MVB12B: variants seen among roughly 807,000 people sequenced by gnomAD.
MVB12B encodes multivesicular body subunit 12B.
Under a neutral mutation model 41.6 loss-of-function variants are expected in MVB12B, and 16 were observed. The ratio of observed to expected loss-of-function variants is 0.38; its 90% CI spans 0.26 to 0.58. The LOEUF (loss-of-function observed/expected upper bound fraction) is 0.58, where lower values mean the gene tolerates loss of function less well. Among genes scored for constraint, MVB12B ranks in the 20% least tolerant of loss-of-function variants. MVB12B has a pLI of 0.62. For synonymous variants in MVB12B, 133 were observed against 139.7 expected, an observed-to-expected ratio of 0.95 and a Z score of 0.34; for missense variants, 274 against 380.2, an observed-to-expected ratio of 0.72 and a Z score of 2.32.
intron 6 of MVB12B, among the ~76,000 whole-genome samples, chr9:126,407,236 C>T (rs993176911): frequency 2.0e-5 from 3 of 152,116 alleles, no homozygotes; most frequent in African/African-American, 4.8e-5. Flanking sequence ...ACCCAAAAAG[C>T]GTTTTTACGG....
chr9:126,428,981 C>A (rs1832258373), intron 7 of MVB12B, among the ~76,000 whole-genome samples: 1 of 152,156 alleles, frequency 6.6e-6, no homozygotes, highest in Non-Finnish European at 1.5e-5. Context: ...TAATCACCGA[C>A]AACTGGCTCA....
At chr9:126,418,907 T>C (rs903890219) in intron 6 of MVB12B, among the ~76,000 whole-genome samples, 1 of 152,194 alleles carries the variant, frequency 6.6e-6, no homozygotes, top group African/African-American at 2.4e-5. Context: ...ATGATCACAC[T>C]TGTAAGCAAG....
At chr9:126,396,172 A>G (rs1464336972) in intron 6 of MVB12B, 2 of 987,274 alleles carry the variant, frequency 2.0e-6, no homozygotes, top group East Asian at 1.1e-4. Flanking sequence ...GGTATGAGAG[A>G]ATAGTGAGGA....
intron 2 of MVB12B, among the ~76,000 whole-genome samples, chr9:126,353,243 TGTAAA>T (rs1829799444): frequency 6.6e-6 from 1 of 152,236 alleles, no homozygotes; most frequent in South Asian, 2.1e-4. Flanking sequence ...TTCATGTCTT[TGTAAA>T]GTATTGTTTT....
intron 2 of MVB12B, among the ~76,000 whole-genome samples, chr9:126,364,475 G>C (rs1489993679): frequency 1.3e-5 from 2 of 152,224 alleles, no homozygotes; most frequent in East Asian, 3.9e-4. Flanking sequence ...CCCCACTCCA[G>C]GGCAGAGGTG....
chr9:126,358,771 A>G (rs1829950826), intron 2 of MVB12B, among the ~76,000 whole-genome samples: 2 of 152,174 alleles, frequency 1.3e-5, no homozygotes, highest in East Asian at 1.9e-4. Context: ...TCCAGTCTGT[A>G]TGCCTCTTAT....
rs1409025052 is a variant in MVB12B, at chr9:126,459,082, AG to A, written c.758-22284del. On this transcript the variant is annotated intron_variant, in intron 7 of 9. Transcript: ENST00000361171. This position sits in a 1 kb window ranked among gnomAD's most constrained non-coding sequence, Gnocchi z 4.3. ...GGTTCCTTTCATCCTGCAAGTTTTA[AG>A]GGCTCAGATCACAGCAGGTCTGGAC... 6.6e-6 allele frequency among the ~76,000 whole-genome samples: 1 copy of A among 152,238 alleles called. No individual in the cohort carries two copies. The highest frequency in any genetic ancestry group is 2.4e-5 in the African/African-American group (1 of 41,456).
intron 7 of MVB12B, among the ~76,000 whole-genome samples, chr9:126,439,755 A>T (rs1832584538): frequency 6.6e-6 from 1 of 152,246 alleles, no homozygotes; most frequent in Admixed American, 6.5e-5. Flanking sequence ...AGAGATGATT[A>T]AAAATATTTG....
At chr9:126,368,284 A>G (rs1830237887) in intron 2 of MVB12B, among the ~76,000 whole-genome samples, 1 of 152,216 alleles carries the variant, frequency 6.6e-6, no homozygotes, top group Admixed American at 6.5e-5. Flanking sequence ...TTTGAATCAC[A>G]TCTGTCTAGT....
Position 126,389,193 on chromosome 9 carries a change from G to T in MVB12B, c.409+2535G>T, listed in dbSNP as rs554699587. Reference sequence around the variant, plus strand: ...CAATGCCAGGTGCCTTGTCACACAGGAGGGTGGGCAGCAGGGGGTCTCTTC... The same window carrying T: ...CAATGCCAGGTGCCTTGTCACACAGTAGGGTGGGCAGCAGGGGGTCTCTTC... On this transcript the variant is annotated intron_variant, in intron 4 of 9. Transcript: ENST00000361171. The surrounding 1 kb of genome is among the most constrained non-coding windows in gnomAD (Gnocchi z 4.4). Among the ~76,000 whole-genome samples the T allele has an allele frequency of 2.0e-5, 3 of 152,310 alleles. No homozygotes were observed. The highest frequency in any genetic ancestry group is 2.0e-4 in the Admixed American group (3 of 15,296).
chr9:126,453,752 T>G (rs561111168), intron 7 of MVB12B, among the ~76,000 whole-genome samples: 3 of 152,360 alleles, frequency 2.0e-5, no homozygotes, highest in African/African-American at 7.2e-5. Context: ...GTGTGCATGG[T>G]CTTGCATGTG....
intron 1 of MVB12B, among the ~76,000 whole-genome samples, chr9:126,339,950 C>G (rs1235807118): frequency 6.6e-6 from 1 of 152,128 alleles, no homozygotes; most frequent in Non-Finnish European, 1.5e-5. Flanking sequence ...TCAAAGTCAC[C>G]AGCTAGTCAG....
intron 6 of MVB12B, among the ~76,000 whole-genome samples, chr9:126,407,344 G>A (rs1445228632): frequency 6.6e-6 from 1 of 152,162 alleles, no homozygotes; most frequent in Non-Finnish European, 1.5e-5. Flanking sequence ...AAAGCCCAAA[G>A]CAGGAGGGAC....
chr9:126,415,714 A>G (rs1004890926), intron 6 of MVB12B, among the ~76,000 whole-genome samples: 8 of 152,270 alleles, frequency 5.3e-5, no homozygotes, highest in Admixed American at 2.0e-4. Flanking sequence ...AATATTTGTT[A>G]AGCGCTCACT....
At chr9:126,401,585 C>T (rs913549143) in intron 6 of MVB12B, among the ~76,000 whole-genome samples, 3 of 152,218 alleles carry the variant, frequency 2.0e-5, no homozygotes, top group East Asian at 1.9e-4. Flanking sequence ...CCTCAAAAAT[C>T]GTTCCATCAC....
chr9:126,439,423 C>G (rs1554780111), intron 7 of MVB12B, among the ~76,000 whole-genome samples: 1 of 152,204 alleles, frequency 6.6e-6, no homozygotes, highest in Non-Finnish European at 1.5e-5. Flanking sequence ...CTGCCAGTAC[C>G]ACACAGATTG....
intron 6 of MVB12B, among the ~76,000 whole-genome samples, chr9:126,411,299 G>A (rs1831640915): frequency 6.6e-6 from 1 of 151,948 alleles, no homozygotes; most frequent in South Asian, 2.1e-4. Flanking sequence ...ATTTATGTTC[G>A]TGTTTCAGTT....
At position 126,503,356 on chromosome 9, in the gene MVB12B, C is replaced by A; in HGVS notation, c.*93C>A. The stretch of plus-strand genomic sequence containing the variant: ...CGCCTCCTCCTGCCGCCTCCGCCAG[C>A]CCTCCCTCCCACACTGCCCCAGCAG... On this transcript the variant is annotated 3_prime_UTR_variant, in exon 10 of 10. Coordinates refer to ENST00000361171, the MANE Select transcript of MVB12B (RefSeq NM_033446.3). 9.6e-7 allele frequency: 1 copy of A among 1,041,384 alleles called. No homozygotes were observed. Among genetic ancestry groups the A allele is most frequent in the Non-Finnish European group, 1.4e-6 (1 of 710,048 alleles). 64.5% of individuals were successfully genotyped at this position (1,041,384 alleles called of 1,614,324 possible).
Position 126,392,233 on chromosome 9 carries a change from C to A in MVB12B, c.539+38C>A. Reference sequence around the variant, plus strand: ...AACAGGACTGTCAGCTGCTTCTCTTCCCTGAGAGCACTCAGGCCACTCCAG... The same window carrying A: ...AACAGGACTGTCAGCTGCTTCTCTTACCTGAGAGCACTCAGGCCACTCCAG... On this transcript the variant is annotated intron_variant, in intron 5 of 9. Transcript: ENST00000361171. This position sits in a 1 kb window ranked among gnomAD's most constrained non-coding sequence, Gnocchi z 4.8. The A allele has an allele frequency of 1.2e-6, 2 of 1,611,346 alleles. No individual in the cohort carries two copies. Among genetic ancestry groups the A allele is most frequent in the Non-Finnish European group, 1.7e-6 (2 of 1,177,880 alleles).
Sources: gnomAD v4.1 joint callset for allele counts (sites outside exome capture counted in the v4.1 genomes callset) on GRCh38, gnomAD v4.1.1 for gene constraint, Gnocchi (gnomAD v3.1) non-coding constraint, MANE v1.5 for transcripts, NCBI Gene and HGNC (gene_info 2026-07-23, HGNC 2026-07-21) for gene names.